The following ATP9B variants were observed in gnomAD, a reference collection of about 807,000 sequenced individuals.
The protein encoded by ATP9B is probable phospholipid-transporting ATPase IIB.
A neutral mutation model predicts 146.1 loss-of-function variants in ATP9B; 110 were observed. The ratio of observed to expected loss-of-function variants is 0.75; its 90% confidence interval spans 0.65 to 0.88. The LOEUF (loss-of-function observed/expected upper bound fraction) is 0.88, where lower values mean the gene tolerates loss of function less well. ATP9B is among the 40% of genes least tolerant of loss of function. The pLI, the probability that ATP9B is intolerant of heterozygous loss-of-function variation, is 0.00. For missense variants in ATP9B, 1,499 were observed against 1,496.4 expected (o/e 1.00, Z -0.03); for synonymous variants, 604 against 569.7 (o/e 1.06, Z -0.86).
At chr18:79,277,354 G>C in intron 13 of ATP9B, 158 bp downstream of exon 13, 1 of 821,102 alleles carries the variant, frequency 1.2e-6, no homozygotes, top group Non-Finnish European at 1.8e-6. Flanking sequence ...CTCTACTCTT[G>C]AAACTGTCAC....
At chr18:79,292,216 C>G (rs2096511422) in intron 13 of ATP9B, among the ~76,000 whole-genome samples, 1 of 152,138 alleles carries the variant, frequency 6.6e-6, no homozygotes, top group Non-Finnish European at 1.5e-5. Context: ...CTAGCCAATG[C>G]AGTTAGGCAA....
rs901558960 is a variant in ATP9B at position 79,265,897 on chromosome 18, C to G, written c.1269-11157C>G. 4.6e-5 allele frequency among the ~76,000 whole-genome samples: 7 copies of G among 152,194 alleles called. No homozygotes were observed. The East Asian group carries it at 9.7e-4, about 21-fold the overall frequency. On this transcript the variant is annotated intron_variant, in intron 12 of 29. Transcript: ENST00000426216. ...TTTTGCATTTAAGTCTTTAATTCAT[C>G]TTGAGTTTGTTTTTGTATATGGTGT...
At chr18:79,107,723 A>G (rs931836862) in intron 2 of ATP9B, among the ~76,000 whole-genome samples, 7 of 151,968 alleles carry the variant, frequency 4.6e-5, no homozygotes, top group African/African-American at 7.3e-5. Flanking sequence ...TTTTCCCATC[A>G]TCTCTTGAAT....
intron 2 of ATP9B, among the ~76,000 whole-genome samples, chr18:79,106,581 A>G (rs1055006215): frequency 6.6e-6 from 1 of 152,208 alleles, no homozygotes; most frequent in Admixed American, 6.5e-5. Flanking sequence ...ATAGTAGCAC[A>G]TGATATGATA....
chr18:79,265,315 T>A (rs1003696598), intron 12 of ATP9B, among the ~76,000 whole-genome samples: 1 of 152,176 alleles, frequency 6.6e-6, no homozygotes, highest in African/African-American at 2.4e-5. Context: ...CTTTATCCAG[T>A]CTGTCATTGA....
intron 11 of ATP9B, among the ~76,000 whole-genome samples, chr18:79,244,135 C>G (rs1326094028): frequency 2.0e-5 from 3 of 151,896 alleles, no homozygotes; most frequent in Non-Finnish European, 4.4e-5. Context: ...CCACTACCCC[C>G]CCTCCGCCCC....
At chr18:79,316,959 G>A (rs148830493) in intron 15 of ATP9B, among the ~76,000 whole-genome samples, 4 of 152,194 alleles carry the variant, frequency 2.6e-5, no homozygotes, top group Non-Finnish European at 5.9e-5. Flanking sequence ...TAATAAACAA[G>A]TAGGCTTAAA....
chr18:79,319,344 G>T (rs1177165490), intron 15 of ATP9B, among the ~76,000 whole-genome samples: 1 of 152,168 alleles, frequency 6.6e-6, no homozygotes, highest in East Asian at 1.9e-4. Flanking sequence ...TGAATAGAGA[G>T]GGAACAGTTC....
intron 7 of ATP9B, chr18:79,173,636 G>C (rs771655444): frequency 2.2e-6 from 1 of 450,044 alleles, no homozygotes; most frequent in East Asian, 7.0e-5. Flanking sequence ...ATACTTGTAT[G>C]TTGGGGGGAC....
At position 79,097,934 on chromosome 18, in the gene ATP9B, T is replaced by C. The variant is rs372060727; in HGVS notation, c.293+1285T>C. Among the ~76,000 whole-genome samples the C allele has an allele frequency of 3.9e-3, 587 of 151,760 alleles. 3 individuals are homozygous for C. Among genetic ancestry groups the C allele is most frequent in the South Asian group, 0.025 (118 of 4,800 alleles). ...GTCAAATGGTATTTCTAGTTCTAGA[T>C]CCCTGAGGAATCGCCACACTGACTT... is the stretch of plus-strand genomic sequence containing the variant. On this transcript the variant is annotated intron_variant, in intron 2 of 29. Transcript: ENST00000426216.
At chr18:79,141,815 C>G (rs1426450575) in intron 5 of ATP9B, among the ~76,000 whole-genome samples, 2 of 152,148 alleles carry the variant, frequency 1.3e-5, no homozygotes, top group Admixed American at 6.5e-5. Flanking sequence ...AGCCAGAAAT[C>G]AAATATTTAA....
At chr18:79,190,045 C>T (rs1221604298) in intron 8 of ATP9B, among the ~76,000 whole-genome samples, 1 of 152,166 alleles carries the variant, frequency 6.6e-6, no homozygotes, top group Non-Finnish European at 1.5e-5. Context: ...CTCCCCGCAG[C>T]AGCAGCAGGA....
At chr18:79,226,046 C>T (rs1359903908) in intron 11 of ATP9B, among the ~76,000 whole-genome samples, 1 of 152,240 alleles carries the variant, frequency 6.6e-6, no homozygotes, top group African/African-American at 2.4e-5. Flanking sequence ...TTCAGCTTCC[C>T]TCCTTTCTGG....
At chr18:79,097,828 A>G (rs1482361166) in intron 2 of ATP9B, among the ~76,000 whole-genome samples, 1 of 148,222 alleles carries the variant, frequency 6.7e-6, no homozygotes, top group Non-Finnish European at 1.5e-5. Context: ...ATAGTGCCGC[A>G]ATAAACATAC....
chr18:79,084,610 T>C (rs1013631580), intron 1 of ATP9B, among the ~76,000 whole-genome samples: 3 of 152,130 alleles, frequency 2.0e-5, no homozygotes, highest in Non-Finnish European at 2.9e-5. Flanking sequence ...AGCCTAGATA[T>C]CCACATTGGC....
At chr18:79,185,417 A>G (rs2095298419) in intron 8 of ATP9B, among the ~76,000 whole-genome samples, 1 of 152,252 alleles carries the variant, frequency 6.6e-6, no homozygotes, top group African/African-American at 2.4e-5. Context: ...ATTAAAATAA[A>G]TAATTCGTAC....
At chr18:79,264,687 A>T (rs28532753) in intron 12 of ATP9B, among the ~76,000 whole-genome samples, 1,518 of 144,928 alleles carry the variant, frequency 0.01, 31 homozygotes, top group African/African-American at 0.037. Flanking sequence ...TTTTTTTGAT[A>T]TATATGGTGT....
chr18:79,336,471 T>G (rs1400581681), intron 17 of ATP9B, among the ~76,000 whole-genome samples, 157 bp from the exon 18 acceptor site: 1 of 152,152 alleles, frequency 6.6e-6, no homozygotes, highest in African/African-American at 2.4e-5. Context: ...TATGTAAAGG[T>G]GTCCCTCTGC....
intron 9 of ATP9B, among the ~76,000 whole-genome samples, chr18:79,201,497 A>G (rs903107010): frequency 2.1e-4 from 32 of 152,168 alleles, no homozygotes; most frequent in African/African-American, 7.0e-4. Flanking sequence ...TTGTAACCCT[A>G]GCACTTTGGG....
Sources: allele counts gnomAD v4.1 joint callset (sites outside exome capture counted in the v4.1 genomes callset), GRCh38; gene constraint gnomAD v4.1.1; transcripts MANE v1.5; gene names NCBI Gene and HGNC (gene_info 2026-07-23, HGNC 2026-07-21).